PTGER3: variants seen among roughly 807,000 people sequenced by gnomAD.
The protein encoded by PTGER3 is prostaglandin E2 receptor EP3 subtype.
Under a neutral mutation model 34.7 loss-of-function variants are expected in PTGER3, and 22 were observed. That is an observed-to-expected ratio of 0.63 (90% confidence interval 0.45 to 0.91). PTGER3 has a LOEUF of 0.91. Ranked by LOEUF, PTGER3 falls within the 40% of genes least tolerant of loss-of-function variation. The probability of loss-of-function intolerance (pLI) is 0.00; values close to 1 mark genes in which losing one functional copy is unlikely to be tolerated. For missense variants in PTGER3, 468 were observed against 519.4 expected (o/e 0.90, Z 0.96); for synonymous variants, 241 against 230.1 (o/e 1.05, Z -0.43).
chr1:71,039,511 G>C (rs773213736), intron 1 of PTGER3, among the ~76,000 whole-genome samples: 1 of 151,696 alleles, frequency 6.6e-6, no homozygotes, highest in African/African-American at 2.4e-5. Context: ...TTAGCCGGGT[G>C]TGGTGGTGGG....
In PTGER3 at chr1:70,853,664, A is replaced by T. The variant is rs573996024; in HGVS notation, c.*24-805T>A. On this transcript the variant is annotated intron_variant, in intron 4 of 4. Transcript: ENST00000370931. ...TGAAGGGGTAAAATAATACCATCTG[A>T]TATTTGCTGAAAAATACTTCAAATA... Among the ~76,000 whole-genome samples the T allele has an allele frequency of 2.6e-4, 40 of 152,308 alleles. 2 individuals carry two copies. The South Asian group carries it at 7.9e-3, about 30-fold the overall frequency.
chr1:70,920,693 G>A (rs1247919617), intron 4 of PTGER3, among the ~76,000 whole-genome samples: 1 of 152,100 alleles, frequency 6.6e-6, no homozygotes, highest in African/African-American at 2.4e-5. Context: ...AGTCAAGATG[G>A]GCAGACACTT....
intron 2 of PTGER3, among the ~76,000 whole-genome samples, chr1:70,978,834 A>G (rs2100711735): frequency 6.6e-6 from 1 of 152,184 alleles, no homozygotes; most frequent in South Asian, 2.1e-4. Context: ...TTAAAGCTAA[A>G]AGGAGCCTTG....
intron 4 of PTGER3, among the ~76,000 whole-genome samples, chr1:70,928,624 C>A (rs1156805195): frequency 6.6e-6 from 1 of 151,932 alleles, no homozygotes; most frequent in Non-Finnish European, 1.5e-5. Flanking sequence ...CAGAATGAAA[C>A]CCCGTCTGAA....
intron 4 of PTGER3, among the ~76,000 whole-genome samples, chr1:70,876,594 C>T (rs1407880831): frequency 1.3e-5 from 2 of 152,054 alleles, no homozygotes; most frequent in Non-Finnish European, 2.9e-5. Context: ...GTGGGTTTTA[C>T]ATTTAAGCCT....
intron 1 of PTGER3, among the ~76,000 whole-genome samples, chr1:71,020,771 AT>A (rs1160718001): frequency 2.0e-5 from 3 of 151,022 alleles, no homozygotes; most frequent in African/African-American, 7.3e-5. Flanking sequence ...GAAATAGCAG[AT>A]TCTGGCAAAC....
intron 2 of PTGER3, among the ~76,000 whole-genome samples, chr1:71,001,637 C>T (rs138917339): frequency 6.6e-6 from 1 of 152,238 alleles, no homozygotes; most frequent in East Asian, 1.9e-4. Flanking sequence ...CTGACAAGAC[C>T]ACCTTCATGA....
intron 1 of PTGER3, among the ~76,000 whole-genome samples, chr1:71,042,005 C>T (rs1046350050): frequency 6.6e-6 from 1 of 152,042 alleles, no homozygotes; most frequent in Non-Finnish European, 1.5e-5. Context: ...AAAACTAAAC[C>T]TATGGAAACT....
chr1:71,038,849 G>T (rs779742579), intron 1 of PTGER3, among the ~76,000 whole-genome samples: 2 of 152,180 alleles, frequency 1.3e-5, no homozygotes, highest in Non-Finnish European at 2.9e-5. Context: ...GTTCTGTTCA[G>T]TCCCAACATT....
At chr1:70,876,550 T>C (rs1646276704) in intron 4 of PTGER3, among the ~76,000 whole-genome samples, 1 of 152,100 alleles carries the variant, frequency 6.6e-6, no homozygotes, top group Admixed American at 6.6e-5. Flanking sequence ...TCCAGAATGA[T>C]GTTTCCTAGG....
chr1:71,047,342 C>G lies in PTGER3; in HGVS notation c.236G>C (p.Arg79Pro), dbSNP rs1177606767. The G allele has an allele frequency of 6.2e-7, 1 of 1,608,006 alleles. No individual in the cohort carries two copies. Among genetic ancestry groups the G allele is most frequent in the African/African-American group, 1.3e-5 (1 of 74,892 alleles). The change falls in exon 1 of 4, where the codon CGC (arginine) becomes CCC (proline). Residue 79 changes from arginine to proline, a missense_variant. Physicochemically the swap from Arg to Pro is moderately radical, Grantham distance 103 (BLOSUM62 -2). This residue lies in a region of PTGER3 where 151 missense variants were observed against 133.5 expected (regional missense o/e 1.13). Transcript: ENST00000306666. Reference protein sequence around the residue: ...AMLLVSRSYRRRESKRKKSFL... With the variant: ...AMLLVSRSYRPRESKRKKSFL... ...GGACTTCTTGCGCTTGCTCTCCCGG[C>G]GCCGGTAGCTGCGCGACACGAGCAG...
chr1:70,879,145 G>T (rs1430470565), intron 4 of PTGER3, among the ~76,000 whole-genome samples: 2 of 152,012 alleles, frequency 1.3e-5, no homozygotes, highest in African/African-American at 4.8e-5. Context: ...TATGAATTTG[G>T]GTGCACCTGT....
chr1:71,008,381 G>T, intron 2 of PTGER3: 3 of 865,458 alleles, frequency 3.5e-6, no homozygotes, highest in Non-Finnish European at 4.2e-6. Context: ...ATAATGTAAT[G>T]GTATATGACT....
chr1:70,964,120 A>G (rs1430421505), intron 2 of PTGER3, among the ~76,000 whole-genome samples: 1 of 152,172 alleles, frequency 6.6e-6, no homozygotes, highest in Admixed American at 6.5e-5. Context: ...CCACATCACT[A>G]TCAGCATTTT....
At chr1:71,009,268 T>C (rs1261922566) in intron 2 of PTGER3, 79 of 984,962 alleles carry the variant, frequency 8.0e-5, no homozygotes, top group Non-Finnish European at 9.3e-5. Context: ...TTAACTTACA[T>C]GAGGTTTTGC....
chr1:70,886,267 A>C (rs1366490921), intron 4 of PTGER3: 3 of 448,514 alleles, frequency 6.7e-6, no homozygotes, highest in Non-Finnish European at 1.3e-5. Flanking sequence ...AACCAAAAAG[A>C]GGGCACTCAC....
At chr1:70,864,300 G>A (rs1382331979) in intron 4 of PTGER3, among the ~76,000 whole-genome samples, 1 of 152,064 alleles carries the variant, frequency 6.6e-6, no homozygotes, top group Non-Finnish European at 1.5e-5. Context: ...GTTATTTCAT[G>A]TCTGTGTCCT....
At chr1:71,028,702 G>T (rs1047861040) in intron 1 of PTGER3, among the ~76,000 whole-genome samples, 2 of 151,870 alleles carry the variant, frequency 1.3e-5, no homozygotes. Context: ...CTGTTTTCTT[G>T]TGCTCCTTCC....
At chr1:70,901,167 T>G (rs979773897) in intron 4 of PTGER3, among the ~76,000 whole-genome samples, 2 of 152,156 alleles carry the variant, frequency 1.3e-5, no homozygotes, top group African/African-American at 4.8e-5. Context: ...CTTGGGACAC[T>G]GTTGTATGTG....
Sources: gnomAD v4.1 joint callset for allele counts (sites outside exome capture counted in the v4.1 genomes callset) on GRCh38, gnomAD v4.1.1 for gene constraint, gnomAD v4.1.1 regional missense constraint, MANE v1.5 for transcripts, NCBI Gene and HGNC (gene_info 2026-07-23, HGNC 2026-07-21) for gene names.